Variants in MEGF11 observed in about 807,000 individuals in gnomAD.
The protein encoded by MEGF11 is multiple EGF like domains 11.
MEGF11 carries 126 observed loss-of-function variants against 146.6 expected under a neutral mutation model. That is an observed-to-expected ratio of 0.86 (90% confidence interval 0.74 to 1.00). MEGF11 has a LOEUF of 1.00. MEGF11 is among the 50% of genes least tolerant of loss of function. The pLI is 0.00. For synonymous variants in MEGF11, 532 were observed against 583.4 expected (o/e 0.91, Z 1.27); for missense variants, 1,509 against 1,521.2 (o/e 0.99, Z 0.13).
chr15:66,034,573 C>G (rs973362326), intron 5 of MEGF11, among the ~76,000 whole-genome samples: 2 of 152,052 alleles, frequency 1.3e-5, no homozygotes, highest in Non-Finnish European at 2.9e-5. Context: ...GGACATGCCA[C>G]CATGCCTGGC....
chr15:66,048,963 C>T (rs997285741), intron 5 of MEGF11, among the ~76,000 whole-genome samples: 8 of 152,190 alleles, frequency 5.3e-5, no homozygotes, highest in Non-Finnish European at 7.3e-5. Flanking sequence ...TGACCTTCAG[C>T]CCAGCTCTCT....
At chr15:66,233,464 G>A (rs1256744435) in intron 1 of MEGF11, among the ~76,000 whole-genome samples, 1 of 152,152 alleles carries the variant, frequency 6.6e-6, no homozygotes, top group African/African-American at 2.4e-5. Context: ...TCGAACTCCT[G>A]ACCTCAAGTG....
At chr15:65,974,768 A>G (rs1461704539) in intron 7 of MEGF11, among the ~76,000 whole-genome samples, 1 of 152,164 alleles carries the variant, frequency 6.6e-6, no homozygotes, top group African/African-American at 2.4e-5. Context: ...TAGGTATTCA[A>G]AAGGGAGGAG....
intron 1 of MEGF11, among the ~76,000 whole-genome samples, chr15:66,133,654 G>T (rs1597114103): frequency 6.6e-6 from 1 of 152,260 alleles, no homozygotes; most frequent in South Asian, 2.1e-4. Flanking sequence ...AGTGCGAGAT[G>T]AAAAGAGGAG....
intron 1 of MEGF11, among the ~76,000 whole-genome samples, chr15:66,189,224 G>A (rs1167009837): frequency 1.3e-5 from 2 of 152,166 alleles, no homozygotes; most frequent in Non-Finnish European, 2.9e-5. Flanking sequence ...GGAGGATTAA[G>A]CAGAATCCTC....
intron 1 of MEGF11, among the ~76,000 whole-genome samples, chr15:66,208,202 T>A (rs1024758735): frequency 3.3e-5 from 5 of 152,108 alleles, no homozygotes; most frequent in African/African-American, 1.2e-4. Flanking sequence ...TTAACACAAT[T>A]ATATTATACA....
intron 24 of MEGF11, among the ~76,000 whole-genome samples, chr15:65,899,811 T>G (rs1215652110): frequency 1.3e-5 from 2 of 152,222 alleles, no homozygotes; most frequent in Non-Finnish European, 2.9e-5. Flanking sequence ...TTTCTGATAC[T>G]AGAGCTCATG....
chr15:66,045,487 C>T (rs2084168841), intron 5 of MEGF11, among the ~76,000 whole-genome samples: 1 of 152,190 alleles, frequency 6.6e-6, no homozygotes, highest in Non-Finnish European at 1.5e-5. Context: ...GATTCAGGAC[C>T]CCTTGGCTCA....
rs752525041 is a variant in MEGF11 at position 65,982,375 on chromosome 15, A to G, written c.508T>C (p.Trp170Arg). The change falls in exon 6 of 26, where the codon TGG (tryptophan) becomes CGG (arginine). Residue 170 changes from tryptophan to arginine, a missense_variant. Trp to Arg is a moderately radical substitution (Grantham distance 101). Coordinates refer to ENST00000395614, the MANE Select transcript of MEGF11 (RefSeq NM_001385028.1). The surrounding 1 kb of genome is among the most constrained non-coding windows in gnomAD (Gnocchi z 5.6). ...ACVCAAGFRG[W>R]RCEELCAPGT... ...GGTGCGCAGAGCTCCTCGCAGCGCC[A>G]TCCACGGAAGCCGGCGGCGCACACG... 2 of 1,534,262 alleles carry G rather than the reference A, an allele frequency of 1.3e-6. No individual in the cohort carries two copies. The highest frequency in any genetic ancestry group is 2.5e-5 in the East Asian group (1 of 40,742).
chr15:66,066,310 GC>G lies in MEGF11; in HGVS notation c.394+28091del, dbSNP rs376720666. 6.2e-3 allele frequency among the ~76,000 whole-genome samples: 936 copies of G among 152,168 alleles called. 2 individuals are homozygous for G. Among genetic ancestry groups the G allele is most frequent in the Non-Finnish European group, 0.01 (699 of 68,004 alleles). On this transcript the variant is annotated intron_variant, in intron 5 of 25. Coordinates refer to ENST00000395614, the MANE Select transcript of MEGF11 (RefSeq NM_001385028.1). ...TTAGGGTCCCAGCACAAACACCAGA[GC>G]CCCCCAGTTGGTTGCTGACCTCCCT...
intron 12 of MEGF11, among the ~76,000 whole-genome samples, chr15:65,929,363 A>G (rs913987621): frequency 2.6e-5 from 4 of 152,226 alleles, no homozygotes; most frequent in Admixed American, 1.3e-4. Context: ...CTACCAACGA[A>G]TGGCAACTCT....
intron 7 of MEGF11, among the ~76,000 whole-genome samples, chr15:65,976,290 C>A (rs1345482813): frequency 6.6e-6 from 1 of 152,198 alleles, no homozygotes; most frequent in African/African-American, 2.4e-5. Flanking sequence ...ATCCACCCGC[C>A]TCGGCCTCCC....
chr15:66,097,369 C>T (rs1386557770), intron 4 of MEGF11, among the ~76,000 whole-genome samples: 1 of 152,144 alleles, frequency 6.6e-6, no homozygotes, highest in African/African-American at 2.4e-5. Flanking sequence ...AGCCCATCTC[C>T]AGAGGCCTGG....
chr15:66,147,296 T>A (rs1440941366), intron 1 of MEGF11, among the ~76,000 whole-genome samples: 1 of 152,180 alleles, frequency 6.6e-6, no homozygotes, highest in Non-Finnish European at 1.5e-5. Context: ...CCCAGGGCCC[T>A]TGCCAGCCTC....
intron 9 of MEGF11, among the ~76,000 whole-genome samples, chr15:65,962,298 A>G (rs938459510): frequency 6.6e-6 from 1 of 152,176 alleles, no homozygotes; most frequent in African/African-American, 2.4e-5. Context: ...GAGTTCATTT[A>G]GCCCAGAGGC....
intron 5 of MEGF11, among the ~76,000 whole-genome samples, chr15:66,051,978 CTT>C (rs1396863168): frequency 6.6e-6 from 1 of 152,168 alleles, no homozygotes; most frequent in Non-Finnish European, 1.5e-5. Flanking sequence ...GGCCATAACT[CTT>C]ATTTACTCCA....
At chr15:66,173,829 C>G (rs1176601414) in intron 1 of MEGF11, among the ~76,000 whole-genome samples, 1 of 152,218 alleles carries the variant, frequency 6.6e-6, no homozygotes, top group East Asian at 1.9e-4. Flanking sequence ...CCCTGACCAC[C>G]TGCTTCCTGC....
At chr15:65,906,058 A>G in intron 24 of MEGF11, 27 bp downstream of exon 24, 1 of 1,588,752 alleles carries the variant, frequency 6.3e-7, no homozygotes. Flanking sequence ...GCCCTCTGTA[A>G]TAAGACAGCA....
intron 1 of MEGF11, among the ~76,000 whole-genome samples, chr15:66,191,088 C>G (rs769084484): frequency 2.6e-5 from 4 of 152,242 alleles, no homozygotes; most frequent in South Asian, 2.1e-4. Flanking sequence ...CCCCCGATAT[C>G]AGGCCAGACT....
Sources: allele counts gnomAD v4.1 joint callset (sites outside exome capture counted in the v4.1 genomes callset), GRCh38; gene constraint gnomAD v4.1.1; non-coding constraint Gnocchi (gnomAD v3.1); transcripts MANE v1.5; gene names NCBI Gene and HGNC (gene_info 2026-07-23, HGNC 2026-07-21).